Variants in FGD5 observed in about 807,000 individuals in gnomAD.
FGD5 encodes the protein FYVE, RhoGEF and PH domain-containing protein 5.
FGD5 carries 28 observed loss-of-function variants against 133.4 expected under a neutral mutation model. The ratio of observed to expected loss-of-function variants is 0.21; its 90% CI spans 0.16 to 0.29. The LOEUF is 0.29. FGD5 is among the 10% of genes least tolerant of loss of function. The pLI, the probability that FGD5 is intolerant of heterozygous loss-of-function variation, is 1.00. For missense variants in FGD5, 1,858 were observed against 1,895.2 expected (o/e 0.98, Z 0.36); for synonymous variants, 810 against 776.5 (o/e 1.04, Z -0.72).
chr3:14,924,793 ATTAAAAATC>A (rs1247078054), intron 17 of FGD5, among the ~76,000 whole-genome samples: 2 of 152,178 alleles, frequency 1.3e-5, no homozygotes, highest in African/African-American at 4.8e-5. Context: ...CCTTTTGCAA[ATTAAAAATC>A]TTGGAAATCA....
At chr3:14,842,883 G>T (rs2036950193) in intron 1 of FGD5, among the ~76,000 whole-genome samples, 1 of 152,192 alleles carries the variant, frequency 6.6e-6, no homozygotes, top group Non-Finnish European at 1.5e-5. Context: ...GGACAGAAAG[G>T]TGGGTGTCAA....
chr3:14,846,586 G>A (rs933942863), intron 1 of FGD5, among the ~76,000 whole-genome samples: 6 of 152,220 alleles, frequency 3.9e-5, no homozygotes, highest in African/African-American at 1.4e-4. Context: ...CCAGGTCCAC[G>A]GGGGAGTTGC....
chr3:14,872,901 C>T (rs769086793), intron 2 of FGD5, among the ~76,000 whole-genome samples: 2 of 152,138 alleles, frequency 1.3e-5, no homozygotes, highest in African/African-American at 2.4e-5. Context: ...GCAATTGTTT[C>T]GACATTGCTT....
intron 18 of FGD5, 159 bp from the exon 19 acceptor site, chr3:14,932,418 G>C (rs962470947): frequency 1.2e-5 from 9 of 756,210 alleles, no homozygotes; most frequent in African/African-American, 5.4e-5. Context: ...GCTGGCTCTG[G>C]GGGGAAGCGA....
At chr3:14,826,608 G>C (rs554838418) in intron 1 of FGD5, among the ~76,000 whole-genome samples, 3 of 152,288 alleles carry the variant, frequency 2.0e-5, no homozygotes, top group Non-Finnish European at 2.9e-5. Flanking sequence ...GAGTTAATAC[G>C]GTACATGGTA....
At chr3:14,890,244 G>A (rs779528397) in intron 4 of FGD5, among the ~76,000 whole-genome samples, 5 of 152,196 alleles carry the variant, frequency 3.3e-5, no homozygotes, top group African/African-American at 1.2e-4. Context: ...GCTTTCCCAC[G>A]GCCAAGCCAG....
rs1458715932 is a variant in FGD5 at position 14,922,429 on chromosome 3, G to A, written c.3688G>A (p.Val1230Ile). The change falls in exon 15 of 20, where the codon GTT (valine) becomes ATT (isoleucine). Residue 1230 changes from valine (V) to isoleucine (I), a missense_variant. Val to Ile is a conservative substitution (Grantham distance 29). Transcript: ENST00000285046. This position sits in a 1 kb window ranked among gnomAD's most constrained non-coding sequence, Gnocchi z 4.1. ...GCTGCAGATACGAGAGAGGCTGGGG[G>A]TTAGCCTTGGGGAGAGGCCCCCCAC... ...HSVEIRERLG[V>I]SLGERPPTLV... 1.9e-6 allele frequency: 3 copies of A among 1,568,600 alleles called. No homozygotes were observed. Among genetic ancestry groups the A allele is most frequent in the Admixed American group, 1.9e-5 (1 of 53,302 alleles).
rs529296693 is a variant in FGD5 at position 14,916,828 on chromosome 3, C to T, written c.3406-421C>T. ...AAACAGCATATACTCTTTTGTGCCTCGCTTCTTCACTCAGCATGATTTTGA... is the reference window on the plus strand; with the variant it reads ...AAACAGCATATACTCTTTTGTGCCTTGCTTCTTCACTCAGCATGATTTTGA... On this transcript the variant is annotated intron_variant, in intron 11 of 19. Transcript: ENST00000285046. 1.2e-4 allele frequency among the ~76,000 whole-genome samples: 19 copies of T among 152,290 alleles called. No homozygotes were observed. In the South Asian group the frequency reaches 2.3e-3, roughly 18 times the overall value.
chr3:14,918,774 G>C lies in FGD5; in HGVS notation c.3510G>C (p.Glu1170Asp). ...TCCAGGTCAGCCGCCCTGTGATGGA[G>C]AAAGTGCCCTACGCTCTAAAGATTG... ...ANMKVSRPVM[E>D]KVPYALKIET... is the part of the protein sequence containing the mutation. The change falls in exon 13 of 20, where the codon GAG (glutamate) becomes GAC (aspartate). Residue 1170 changes from glutamate to aspartate, a missense_variant. Physicochemically the swap from Glu to Asp is conservative, Grantham distance 45. This residue lies in a region of FGD5 where 1,824 missense variants were observed against 1,848.9 expected (regional missense o/e 0.99). Coordinates refer to ENST00000285046, the MANE Select transcript of FGD5 (RefSeq NM_152536.4). 6.2e-7 allele frequency: 1 copy of C among 1,613,964 alleles called. No individual in the cohort carries two copies. Among genetic ancestry groups the C allele is most frequent in the Non-Finnish European group, 8.5e-7 (1 of 1,179,878 alleles).
intron 10 of FGD5, among the ~76,000 whole-genome samples, chr3:14,910,413 G>C (rs2038426421): frequency 6.6e-6 from 1 of 152,106 alleles, no homozygotes; most frequent in Non-Finnish European, 1.5e-5. Flanking sequence ...TCAGAATTTT[G>C]TGAGTGTTTT....
At position 14,819,311 on chromosome 3, in the gene FGD5, C is replaced by T. The variant is rs934462434; in HGVS notation, c.240C>T (p.Asp80=). 6.5e-6 allele frequency: 10 copies of T among 1,534,294 alleles called. No individual in the cohort carries two copies. The African/African-American group carries it at 1.1e-4, about 17-fold the overall frequency. The change falls in exon 1 of 20, where the codon GAC becomes GAT. Residue 80 remains aspartate, a synonymous_variant. Transcript: ENST00000285046. The surrounding 1 kb of genome is among the most constrained non-coding windows in gnomAD (Gnocchi z 4.1). ...CGCTGAGGGAGGATGAACCCAAGGA[C>T]GAGGGCAGTGTGGGGAACAAAGCCC... ...RVPLREDEPK[D]EGSVGNKALV...
At chr3:14,897,109 A>G (rs2038153249) in intron 4 of FGD5, 1 of 185,742 alleles carries the variant, frequency 5.4e-6, no homozygotes, top group Admixed American at 6.3e-5. Context: ...TCGTTTTGAA[A>G]CAACATAGCT....
Position 14,820,574 on chromosome 3 carries a change from C to G in FGD5, c.1503C>G (p.Thr501=). 1.2e-6 allele frequency: 2 copies of G among 1,610,914 alleles called. No homozygotes were observed. Among genetic ancestry groups the G allele is most frequent in the South Asian group, 1.1e-5 (1 of 90,674 alleles). The change falls in exon 1 of 20, where the codon ACC becomes ACG. Residue 501 remains threonine (T), a synonymous_variant. Coordinates refer to ENST00000285046, the MANE Select transcript of FGD5 (RefSeq NM_152536.4). The part of the protein sequence containing the change: ...GYVPETVPEE[T]GPEAGSSAPG... ...TCCCAGAAACCGTCCCTGAAGAAAC[C>G]GGACCTGAGGCGGGCTCGTCAGCCC...
chr3:14,932,875 T>A, intron 19 of FGD5, 144 bp downstream of exon 19: 1 of 1,017,900 alleles, frequency 9.8e-7, no homozygotes, highest in Non-Finnish European at 1.5e-6. Context: ...CAGAACTACC[T>A]GTTCTTTGTC....
chr3:14,875,132 C>T (rs775477072), intron 2 of FGD5, among the ~76,000 whole-genome samples: 1 of 152,206 alleles, frequency 6.6e-6, no homozygotes, highest in Non-Finnish European at 1.5e-5. Context: ...ACTGTGTTCT[C>T]CTGGAGCCTA....
intron 2 of FGD5, among the ~76,000 whole-genome samples, chr3:14,874,430 A>G (rs1289338953): frequency 1.3e-5 from 2 of 152,180 alleles, no homozygotes; most frequent in Non-Finnish European, 2.9e-5. Flanking sequence ...CTGAGGCTGA[A>G]GGATCACTTG....
At chr3:14,924,277 C>A in intron 17 of FGD5, 139 bp downstream of exon 17, 1 of 1,337,996 alleles carries the variant, frequency 7.5e-7, no homozygotes, top group Non-Finnish European at 1.0e-6. Context: ...TGGAAGCATC[C>A]CAGCTACGAG....
chr3:14,848,218 C>T (rs1296635232), intron 1 of FGD5, among the ~76,000 whole-genome samples: 2 of 152,174 alleles, frequency 1.3e-5, no homozygotes, highest in East Asian at 1.9e-4. Flanking sequence ...CGAGGCTTTT[C>T]GTTGTTGTGG....
At chr3:14,884,428 A>G (rs1447110141) in intron 4 of FGD5, among the ~76,000 whole-genome samples, 1 of 152,178 alleles carries the variant, frequency 6.6e-6, no homozygotes, top group Non-Finnish European at 1.5e-5. Flanking sequence ...CGTTTACTTC[A>G]TCACTGCCTT....
Sources: allele counts gnomAD v4.1 joint callset (sites outside exome capture counted in the v4.1 genomes callset), GRCh38; gene constraint gnomAD v4.1.1; regional missense constraint gnomAD v4.1.1; non-coding constraint Gnocchi (gnomAD v3.1); transcripts MANE v1.5; gene names NCBI Gene and HGNC (gene_info 2026-07-23, HGNC 2026-07-21).